Variants in FAM171A1 observed in about 807,000 individuals in gnomAD.
The protein encoded by FAM171A1 is family with sequence similarity 171 member A1.
A neutral mutation model predicts 74.9 loss-of-function variants in FAM171A1; 23 were observed. The ratio of observed to expected loss-of-function variants is 0.31; its 90% CI spans 0.22 to 0.44. The LOEUF (loss-of-function observed/expected upper bound fraction) is 0.44, where lower values mean the gene tolerates loss of function less well. Ranked by LOEUF, FAM171A1 falls within the 20% of genes least tolerant of loss-of-function variation. The pLI is 1.00. For synonymous variants in FAM171A1, 527 were observed against 505.7 expected (o/e 1.04, Z -0.57); for missense variants, 1,162 against 1,159.2 (o/e 1.00, Z -0.03).
chr10:15,252,685 T>C (rs1051859802), intron 4 of FAM171A1, among the ~76,000 whole-genome samples: 3 of 152,208 alleles, frequency 2.0e-5, no homozygotes, highest in Non-Finnish European at 4.4e-5. Flanking sequence ...GAAAGCCTAG[T>C]CATTTCTAGG....
intron 1 of FAM171A1, among the ~76,000 whole-genome samples, chr10:15,293,190 T>C (rs1835122829): frequency 6.6e-6 from 1 of 152,234 alleles, no homozygotes; most frequent in Non-Finnish European, 1.5e-5. Flanking sequence ...CTAATGTAGA[T>C]GCTGAATTAA....
intron 1 of FAM171A1, among the ~76,000 whole-genome samples, chr10:15,290,881 GC>G (rs1278125393): frequency 6.6e-6 from 1 of 152,134 alleles, no homozygotes; most frequent in Non-Finnish European, 1.5e-5. Context: ...AGGGGTCTGG[GC>G]CACCCATGTA....
At chr10:15,371,307 C>CCGG (rs1375463367), upstream of FAM171A1, among the ~76,000 whole-genome samples, 4 of 144,106 alleles carry the variant, frequency 2.8e-5, no homozygotes, top group Admixed American at 6.8e-5. Flanking sequence ...TCCTGCCTCG[C>CCGG]CCGCCGCCGC....
intron 1 of FAM171A1, among the ~76,000 whole-genome samples, chr10:15,285,023 G>A (rs973670102): frequency 4.0e-5 from 6 of 150,934 alleles, no homozygotes; most frequent in African/African-American, 1.5e-4. Context: ...GAAACAAACA[G>A]AATGTTACAA....
intron 5 of FAM171A1, among the ~76,000 whole-genome samples, chr10:15,235,035 C>T (rs986080624): frequency 1.4e-4 from 21 of 152,086 alleles, no homozygotes; most frequent in African/African-American, 5.1e-4. Flanking sequence ...CTATGCCGGG[C>T]GTGGTGTCTC....
In FAM171A1 at chr10:15,303,083, G is replaced by A. The variant is rs190327963; in HGVS notation, c.98-18978C>T. Among the ~76,000 whole-genome samples the A allele has an allele frequency of 8.3e-3, 1,263 of 152,162 alleles. 16 individuals are homozygous for A. The highest frequency in any genetic ancestry group is 0.029 in the African/African-American group (1,194 of 41,528). ...GGGTACCTGTAATCCCAGCTACTTCGGAGGCTGAGGCAAGAGAATCGATTG... is the reference window on the plus strand; with the variant it reads ...GGGTACCTGTAATCCCAGCTACTTCAGAGGCTGAGGCAAGAGAATCGATTG... On this transcript the variant is annotated intron_variant, in intron 1 of 7. Coordinates refer to ENST00000378116, the MANE Select transcript of FAM171A1 (RefSeq NM_001010924.2).
chr10:15,213,960 C>T lies in FAM171A1; in HGVS notation c.1628G>A (p.Arg543Gln), dbSNP rs758289605. 6.8e-6 allele frequency: 11 copies of T among 1,614,014 alleles called. No homozygotes were observed. The highest frequency in any genetic ancestry group is 2.7e-5 in the African/African-American group (2 of 74,920). Residue 543 changes from arginine (R) to glutamine (Q), a missense_variant, in exon 8 of 8, where the codon CGA becomes CAA. Transcript: ENST00000378116. This position sits in a 1 kb window ranked among gnomAD's most constrained non-coding sequence, Gnocchi z 6.8. ...DRRPTECMMS[R>Q]SVDHLERPTS... The stretch of plus-strand genomic sequence containing the variant: ...AGGTCTCTCGAGGTGATCTACTGAT[C>T]GCGACATCATACATTCAGTGGGTCT...
chr10:15,329,937 T>C (rs1383135854), intron 1 of FAM171A1, among the ~76,000 whole-genome samples: 3 of 152,236 alleles, frequency 2.0e-5, no homozygotes, highest in African/African-American at 7.2e-5. Flanking sequence ...AAGTTGTTTC[T>C]GGTAAACTTA....
chr10:15,309,310 C>T (rs992235793), intron 1 of FAM171A1, among the ~76,000 whole-genome samples: 4 of 152,156 alleles, frequency 2.6e-5, no homozygotes, highest in Admixed American at 6.5e-5. Flanking sequence ...CAGGCTCAAG[C>T]GATTCTCCCA....
chr10:15,216,305 A>G (rs1433836299), intron 6 of FAM171A1, among the ~76,000 whole-genome samples, 195 bp from the exon 7 acceptor site: 1 of 152,208 alleles, frequency 6.6e-6, no homozygotes, highest in Non-Finnish European at 1.5e-5. Flanking sequence ...ACTATTATGG[A>G]AGCTCCCACA....
intron 1 of FAM171A1, among the ~76,000 whole-genome samples, chr10:15,368,391 AC>A (rs1248395823): frequency 6.6e-6 from 1 of 152,248 alleles, no homozygotes; most frequent in African/African-American, 2.4e-5. Context: ...TTGGACTACT[AC>A]AGTATATGAT....
chr10:15,221,398 C>T (rs1007739549), intron 5 of FAM171A1, among the ~76,000 whole-genome samples: 13 of 152,100 alleles, frequency 8.5e-5, no homozygotes, highest in African/African-American at 2.9e-4. Context: ...ATGATGGGGG[C>T]TGGTGGGAGT....
chr10:15,288,824 T>TTTC (rs2131814834), intron 1 of FAM171A1, among the ~76,000 whole-genome samples: 1 of 126,302 alleles, frequency 7.9e-6, no homozygotes, highest in African/African-American at 3.1e-5. Context: ...TTTTTTTTTT[T>TTTC]TTTTTTTTTT....
rs115493433 is a variant in FAM171A1 at position 15,357,521 on chromosome 10, T to G, written c.97+13435A>C. ...GACCTTTCTGGAATGATGGAAATAT[T>G]TGGCACCTTGATAGGGTTTTGAGCT... On this transcript the variant is annotated intron_variant, in intron 1 of 7. Coordinates refer to ENST00000378116, the MANE Select transcript of FAM171A1 (RefSeq NM_001010924.2). 2.8e-3 allele frequency among the ~76,000 whole-genome samples: 426 copies of G among 152,318 alleles called. 1 individual carries two copies. Among genetic ancestry groups the G allele is most frequent in the African/African-American group, 9.7e-3 (402 of 41,578 alleles).
intron 2 of FAM171A1, among the ~76,000 whole-genome samples, chr10:15,281,486 A>C (rs1282121491): frequency 6.6e-6 from 1 of 152,236 alleles, no homozygotes; most frequent in Non-Finnish European, 1.5e-5. Context: ...AGGGGTGGGC[A>C]GGCCTGGGAC....
At position 15,287,126 on chromosome 10, in the gene FAM171A1, C is replaced by G. The variant is rs368148184; in HGVS notation, c.98-3021G>C. Among the ~76,000 whole-genome samples the G allele has an allele frequency of 3.0e-3, 422 of 140,112 alleles. 4 individuals carry two copies. The highest frequency in any genetic ancestry group is 0.011 in the African/African-American group (402 of 36,980). 91.9% of individuals were successfully genotyped at this position (140,112 alleles called of 152,430 possible). A position where few individuals can be genotyped will look rare whatever the true frequency, so the allele number is the denominator to read the frequency against. On this transcript the variant is annotated intron_variant, in intron 1 of 7. Transcript: ENST00000378116. ...TTTTTTTTTGAGATGGAGTCTCACT[C>G]TGTTGCCCAGGCTAGAGTGCAGTGG...
chr10:15,268,210 C>A (rs1443203257), intron 3 of FAM171A1, among the ~76,000 whole-genome samples: 1 of 152,118 alleles, frequency 6.6e-6, no homozygotes, highest in Admixed American at 6.5e-5. Flanking sequence ...GGATTTTATT[C>A]CAAGTACAAT....
intron 1 of FAM171A1, among the ~76,000 whole-genome samples, chr10:15,361,429 T>G (rs992044115): frequency 2.0e-5 from 3 of 152,190 alleles, no homozygotes; most frequent in Middle Eastern, 3.2e-3. Flanking sequence ...ATGCCTGTAA[T>G]CCCAGCATTT....
intron 5 of FAM171A1, chr10:15,241,091 T>C (rs1048531527): frequency 6.6e-6 from 1 of 152,260 alleles, no homozygotes; most frequent in Non-Finnish European, 1.5e-5. Context: ...CATGTGATTG[T>C]ATCATTTGAA....
Sources: gnomAD v4.1 joint callset for allele counts (sites outside exome capture counted in the v4.1 genomes callset) on GRCh38, gnomAD v4.1.1 for gene constraint, Gnocchi (gnomAD v3.1) non-coding constraint, MANE v1.5 for transcripts, NCBI Gene and HGNC (gene_info 2026-07-23, HGNC 2026-07-21) for gene names.